IKZF2: variants seen among roughly 807,000 people sequenced by gnomAD.
The protein encoded by IKZF2 is zinc finger protein Helios.
IKZF2 carries 15 observed loss-of-function variants against 49.2 expected under a neutral mutation model. The ratio of observed to expected loss-of-function variants is 0.30; its 90% CI spans 0.20 to 0.47. IKZF2 has a LOEUF of 0.47. Among genes scored for constraint, IKZF2 ranks in the 20% least tolerant of loss-of-function variants. The pLI is 1.00. For missense variants in IKZF2, 567 were observed against 664.6 expected (o/e 0.85, Z 1.61); for synonymous variants, 227 against 221.4 (o/e 1.03, Z -0.23).
intron 4 of IKZF2, among the ~76,000 whole-genome samples, chr2:213,146,730 T>C (rs1019927477): frequency 3.2e-5 from 4 of 123,212 alleles, no homozygotes; most frequent in Non-Finnish European, 6.6e-5. Context: ...ATTAAGTACA[T>C]GATTCACTTT....
In IKZF2 at chr2:213,075,066, T is replaced by A. The variant is rs1399304217; in HGVS notation, c.140-17967A>T. Among the ~76,000 whole-genome samples the A allele has an allele frequency of 2.0e-5, 3 of 152,146 alleles. No homozygotes were observed. In the East Asian group the frequency reaches 5.8e-4, roughly 29 times the overall value. On this transcript the variant is annotated intron_variant, in intron 4 of 8. Transcript: ENST00000434687. ...ATACACTATACAGATACTGAGACAG[T>A]CTCAATAAAAGAGAAATGCTGAAGT...
At chr2:213,017,503 C>T (rs541400808) in intron 7 of IKZF2, among the ~76,000 whole-genome samples, 2 of 152,298 alleles carry the variant, frequency 1.3e-5, no homozygotes, top group East Asian at 3.9e-4. Flanking sequence ...CTACTATTTA[C>T]TCCATCAGCC....
At chr2:213,113,189 T>A (rs7579484) in intron 4 of IKZF2, among the ~76,000 whole-genome samples, 2 of 152,046 alleles carry the variant, frequency 1.3e-5, no homozygotes, top group African/African-American at 4.8e-5. Context: ...AATCATTAAG[T>A]TGTCTCTTTT....
At chr2:213,052,381 G>GA (rs1559210445) in intron 5 of IKZF2, among the ~76,000 whole-genome samples, 3 of 152,006 alleles carry the variant, frequency 2.0e-5, no homozygotes, top group Admixed American at 6.6e-5. Context: ...AAGGGGCATT[G>GA]AAAATAATAC....
intron 4 of IKZF2, among the ~76,000 whole-genome samples, chr2:213,069,350 C>T (rs1348018238): frequency 2.0e-5 from 3 of 152,130 alleles, no homozygotes; most frequent in Non-Finnish European, 4.4e-5. Context: ...AGGCTATAAA[C>T]ATATGAATAA....
chr2:213,114,794 T>C (rs760834529), intron 4 of IKZF2, among the ~76,000 whole-genome samples: 3 of 151,954 alleles, frequency 2.0e-5, no homozygotes, highest in Non-Finnish European at 2.9e-5. Flanking sequence ...TAGCTGGGCA[T>C]GGTAGCGCGC....
At chr2:213,150,469 C>CTCCTCT (rs2061245293) in intron 1 of IKZF2, 3 of 271,284 alleles carry the variant, frequency 1.1e-5, no homozygotes, top group African/African-American at 6.7e-5. Context: ...CCTCCTCCTC[C>CTCCTCT]TCCTCCTCGT....
At chr2:213,084,605 T>G (rs1399147601) in intron 4 of IKZF2, among the ~76,000 whole-genome samples, 1 of 4,610 alleles carries the variant, frequency 2.2e-4, no homozygotes. Flanking sequence ...AAAAAGAAAT[T>G]GAAAAAAAAA....
rs1376237638 is a variant in IKZF2, at chr2:213,061,928, T to C, written c.140-4829A>G. Among the ~76,000 whole-genome samples the C allele has an allele frequency of 2.6e-5, 4 of 151,708 alleles. No homozygotes were observed. The East Asian group carries it at 7.7e-4, about 29-fold the overall frequency. ...TGTAAAAAGGCACTTCTTTAAAACCTGGACATTTTACTTTACTACTTTTTA... is the reference window on the plus strand; with the variant it reads ...TGTAAAAAGGCACTTCTTTAAAACCCGGACATTTTACTTTACTACTTTTTA... On this transcript the variant is annotated intron_variant, in intron 4 of 8. Coordinates refer to ENST00000434687, the MANE Select transcript of IKZF2 (RefSeq NM_001387220.1).
At chr2:213,134,908 T>C (rs962043114) in intron 4 of IKZF2, among the ~76,000 whole-genome samples, 1 of 152,250 alleles carries the variant, frequency 6.6e-6, no homozygotes, top group Non-Finnish European at 1.5e-5. Flanking sequence ...GTGGAGTCTG[T>C]GGCTTGTCCT....
At chr2:213,023,969 T>G (rs963386116) in intron 6 of IKZF2, among the ~76,000 whole-genome samples, 2 of 152,164 alleles carry the variant, frequency 1.3e-5, no homozygotes, top group African/African-American at 4.8e-5. Context: ...TCCCCTTGGC[T>G]CACAACCCTC....
intron 4 of IKZF2, among the ~76,000 whole-genome samples, chr2:213,140,920 T>C (rs2060842497): frequency 6.6e-6 from 1 of 152,060 alleles, no homozygotes; most frequent in Non-Finnish European, 1.5e-5. Context: ...CATGGGCTAA[T>C]ATTAGTTTTC....
intron 6 of IKZF2, among the ~76,000 whole-genome samples, chr2:213,035,748 T>C (rs10932460): frequency 6.6e-6 from 1 of 151,940 alleles, no homozygotes. Context: ...GAACCACCAA[T>C]GGCCATGATT....
chr2:213,111,866 A>T (rs2059714646), intron 4 of IKZF2, among the ~76,000 whole-genome samples: 1 of 152,158 alleles, frequency 6.6e-6, no homozygotes. Context: ...ATTTCCTATT[A>T]TTGATCCATC....
At chr2:213,022,571 G>T (rs1302844604) in intron 6 of IKZF2, among the ~76,000 whole-genome samples, 1 of 152,034 alleles carries the variant, frequency 6.6e-6, no homozygotes, top group East Asian at 1.9e-4. Flanking sequence ...GCAACAACTT[G>T]AAATGTCACA....
chr2:213,064,178 G>T (rs1024284691), intron 4 of IKZF2, among the ~76,000 whole-genome samples: 2 of 151,654 alleles, frequency 1.3e-5, no homozygotes, highest in Non-Finnish European at 2.9e-5. Flanking sequence ...TGAATTATCG[G>T]TGGTAGGTTA....
intron 4 of IKZF2, among the ~76,000 whole-genome samples, chr2:213,105,362 A>T (rs1345347218): frequency 6.6e-6 from 1 of 152,028 alleles, no homozygotes; most frequent in African/African-American, 2.4e-5. Context: ...CATCATTATT[A>T]GTGAAAATAC....
chr2:213,094,931 T>C (rs774784923), intron 4 of IKZF2, among the ~76,000 whole-genome samples: 3 of 152,134 alleles, frequency 2.0e-5, no homozygotes, highest in Admixed American at 6.6e-5. Context: ...GGGGAGAGTG[T>C]TATATTAATG....
At chr2:213,048,662 G>A (rs536698719) in intron 6 of IKZF2, among the ~76,000 whole-genome samples, 31 of 152,014 alleles carry the variant, frequency 2.0e-4, no homozygotes, top group South Asian at 1.2e-3. Context: ...TTTTGTTTTC[G>A]TGTTTGCATT....
Sources: gnomAD v4.1 joint callset for allele counts (sites outside exome capture counted in the v4.1 genomes callset) on GRCh38, gnomAD v4.1.1 for gene constraint, MANE v1.5 for transcripts, NCBI Gene and HGNC (gene_info 2026-07-23, HGNC 2026-07-21) for gene names.